CALB2: variants seen among roughly 807,000 people sequenced by gnomAD.
The protein encoded by CALB2 is calretinin.
In CALB2, 34 loss-of-function variants were observed where a neutral mutation model predicts 45.9. The observed-to-expected ratio is 0.74, with a 90% CI of 0.56 to 0.99. The LOEUF (loss-of-function observed/expected upper bound fraction) is 0.99, where lower values mean the gene tolerates loss of function less well. Ranked by LOEUF, CALB2 falls within the 50% of genes least tolerant of loss-of-function variation. The pLI, the probability that CALB2 is intolerant of heterozygous loss-of-function variation, is 0.00. For synonymous variants in CALB2, 142 were observed against 129.6 expected (o/e 1.10, Z -0.65); for missense variants, 344 against 339.3 (o/e 1.01, Z -0.11).
intron 4 of CALB2, among the ~76,000 whole-genome samples, chr16:71,378,306 G>A (rs1333590695): frequency 6.6e-6 from 1 of 151,750 alleles, no homozygotes; most frequent in Middle Eastern, 3.2e-3. Flanking sequence ...TGAGGCCAGG[G>A]TTTCAAGACC....
At chr16:71,372,130 AT>A in intron 1 of CALB2, 22 bp from the exon 2 acceptor site, 2 of 1,513,744 alleles carry the variant, frequency 1.3e-6, no homozygotes, top group Non-Finnish European at 1.8e-6. Context: ...GCTGAGATTG[AT>A]TTTTTCTCTC....
intron 10 of CALB2, among the ~76,000 whole-genome samples, chr16:71,387,404 TAGAA>T (rs2042582790): frequency 6.6e-6 from 1 of 151,296 alleles, no homozygotes; most frequent in Non-Finnish European, 1.5e-5. Flanking sequence ...AGTGAATGAG[TAGAA>T]AGAGAGAGCC....
chr16:71,381,218 A>G (rs1482811397), intron 4 of CALB2, among the ~76,000 whole-genome samples: 1 of 152,224 alleles, frequency 6.6e-6, no homozygotes, highest in Non-Finnish European at 1.5e-5. Flanking sequence ...TGGTGAAGTC[A>G]TATTTGGAAA....
chr16:71,379,976 G>A (rs1445715879), intron 4 of CALB2, among the ~76,000 whole-genome samples: 1 of 152,122 alleles, frequency 6.6e-6, no homozygotes, highest in Admixed American at 6.6e-5. Context: ...TCTCTAGCCT[G>A]CCTGGGAGAA....
At chr16:71,362,193 G>T (rs981885565) in intron 1 of CALB2, among the ~76,000 whole-genome samples, 1 of 152,234 alleles carries the variant, frequency 6.6e-6, no homozygotes, top group African/African-American at 2.4e-5. Flanking sequence ...CCAGGTGGCT[G>T]AGGGATGCCC....
At chr16:71,369,271 G>A (rs2042319947) in intron 1 of CALB2, among the ~76,000 whole-genome samples, 2 of 152,140 alleles carry the variant, frequency 1.3e-5, no homozygotes, top group South Asian at 4.2e-4. Flanking sequence ...TGCTATCATT[G>A]TCCCCATTTC....
At chr16:71,373,714 G>A (rs1162328748) in intron 2 of CALB2, among the ~76,000 whole-genome samples, 3 of 152,042 alleles carry the variant, frequency 2.0e-5, no homozygotes, top group Non-Finnish European at 2.9e-5. Context: ...AAGTCATCTC[G>A]GCCTCCATTA....
intron 1 of CALB2, among the ~76,000 whole-genome samples, chr16:71,364,556 C>T (rs142671261): frequency 1.3e-5 from 2 of 152,346 alleles, no homozygotes; most frequent in East Asian, 3.9e-4. Flanking sequence ...GGCTTCAGCC[C>T]TCCCTCTGTC....
chr16:71,383,902 A>G, intron 6 of CALB2, 68 bp from the exon 7 acceptor site: 1 of 1,548,462 alleles, frequency 6.5e-7, no homozygotes, highest in Non-Finnish European at 8.9e-7. Context: ...CATCCTCTCC[A>G]GTAAAAGGGG....
At chr16:71,368,514 A>AAT (rs2042312341) in intron 1 of CALB2, among the ~76,000 whole-genome samples, 1 of 152,224 alleles carries the variant, frequency 6.6e-6, no homozygotes, top group African/African-American at 2.4e-5. Context: ...CTAAAAATAA[A>AAT]ATAAAATAAA....
chr16:71,383,332 A>G (rs551329852), intron 5 of CALB2, 35 bp from the exon 6 acceptor site: 1 of 1,589,904 alleles, frequency 6.3e-7, no homozygotes. Context: ...CGAATGCACG[A>G]GTCAGGAGTA....
chr16:71,388,163 T>C (rs1170121586), intron 10 of CALB2, among the ~76,000 whole-genome samples: 1 of 148,788 alleles, frequency 6.7e-6, no homozygotes, highest in Admixed American at 7.1e-5. Context: ...TGCTAACATT[T>C]TCAATACAAA....
chr16:71,389,477 G>C (rs1459826536), intron 10 of CALB2: 2 of 604,554 alleles, frequency 3.3e-6, no homozygotes, highest in South Asian at 1.5e-5. Flanking sequence ...CATGAGGCAT[G>C]AACTTTTAGT....
In CALB2 at chr16:71,374,795, G is replaced by A; in HGVS notation, c.222G>A (p.Lys74=). Reference sequence around the variant, plus strand: ...AAAAGATGAAGGAGTTCATGCAGAAGTATGATAAAAACTCAGATGGGAAAA... The same window carrying A: ...AAAAGATGAAGGAGTTCATGCAGAAATATGATAAAAACTCAGATGGGAAAA... ...FGEKMKEFMQ[K]YDKNSDGKIE... is the part of the protein sequence containing the mutation. The change falls in exon 3 of 11, where the codon AAG becomes AAA. Residue 74 remains lysine (K), a synonymous_variant. Transcript: ENST00000302628. 6.2e-7 allele frequency: 1 copy of A among 1,613,734 alleles called. No homozygotes were observed. Among genetic ancestry groups the A allele is most frequent in the Non-Finnish European group, 8.5e-7 (1 of 1,179,718 alleles).
intron 3 of CALB2, among the ~76,000 whole-genome samples, chr16:71,375,738 C>T (rs933473858): frequency 1.3e-5 from 2 of 152,204 alleles, no homozygotes; most frequent in Admixed American, 6.5e-5. Flanking sequence ...TGCAAGGATG[C>T]GGTCTCAACT....
intron 1 of CALB2, among the ~76,000 whole-genome samples, chr16:71,369,216 G>T (rs1446625818): frequency 6.6e-6 from 1 of 152,182 alleles, no homozygotes; most frequent in Non-Finnish European, 1.5e-5. Context: ...CGCTGCGAGT[G>T]TATTATTATC....
chr16:71,389,668 G>A, intron 10 of CALB2, 81 bp from the exon 11 acceptor site: 4 of 926,248 alleles, frequency 4.3e-6, no homozygotes, highest in East Asian at 4.8e-5. Context: ...GTGGGTGTTT[G>A]TGTTTGTGAA....
At position 71,384,039 on chromosome 16, in the gene CALB2, C is replaced by A. The variant is rs749743882; in HGVS notation, c.533+14C>A. On this transcript the variant is annotated intron_variant, in intron 7 of 10. Coordinates refer to ENST00000302628, the MANE Select transcript of CALB2 (RefSeq NM_001740.5). ...AGAGATGTCCCGGTAAGCACCTCAC[C>A]CCCGGGGTCACTGATACTGGCTCCC... 6.2e-7 allele frequency: 1 copy of A among 1,612,894 alleles called. No individual in the cohort carries two copies. The highest frequency in any genetic ancestry group is 8.5e-7 in the Non-Finnish European group (1 of 1,179,122).
Position 71,359,660 on chromosome 16 carries a change from A to G in CALB2, c.94+774A>G, listed in dbSNP as rs549189294. Reference sequence around the variant, plus strand: ...TCACCCAAAAAGCAAGGGCCAGACCAAATGACCTTTGGAGGTAGCCCCCAG... The same window carrying G: ...TCACCCAAAAAGCAAGGGCCAGACCGAATGACCTTTGGAGGTAGCCCCCAG... On this transcript the variant is annotated intron_variant, in intron 1 of 10. Transcript: ENST00000302628. 3.3e-5 allele frequency among the ~76,000 whole-genome samples: 5 copies of G among 152,306 alleles called. No individual in the cohort carries two copies. The East Asian group carries it at 9.7e-4, about 29-fold the overall frequency.
Sources: gnomAD v4.1 joint callset for allele counts (sites outside exome capture counted in the v4.1 genomes callset) on GRCh38, gnomAD v4.1.1 for gene constraint, MANE v1.5 for transcripts, NCBI Gene and HGNC (gene_info 2026-07-23, HGNC 2026-07-21) for gene names.